DTNB: variants seen among roughly 807,000 people sequenced by gnomAD.
DTNB encodes DTN-B.
Under a neutral mutation model 90.7 loss-of-function variants are expected in DTNB, and 63 were observed. The observed-to-expected ratio is 0.69, with a 90% CI of 0.57 to 0.86. DTNB has a LOEUF of 0.86. DTNB is among the 40% of genes least tolerant of loss of function. The pLI is 0.00. For synonymous variants in DTNB, 277 were observed against 286.7 expected (o/e 0.97, Z 0.34); for missense variants, 744 against 807.1 (o/e 0.92, Z 0.95).
chr2:25,383,799 C>T (rs1254248129), intron 19 of DTNB, 37 bp downstream of exon 19: 2 of 1,613,894 alleles, frequency 1.2e-6, no homozygotes, highest in Non-Finnish European at 1.7e-6. Context: ...GCTCGGGCTC[C>T]CCATTTAAAC....
chr2:25,417,106 T>A (rs1291028135), intron 16 of DTNB, among the ~76,000 whole-genome samples: 1 of 152,106 alleles, frequency 6.6e-6, no homozygotes, highest in Non-Finnish European at 1.5e-5. Flanking sequence ...GAGCAGCACT[T>A]CTTACCTCAT....
intron 4 of DTNB, among the ~76,000 whole-genome samples, chr2:25,612,897 C>T (rs1044983130): frequency 1.3e-5 from 2 of 152,096 alleles, no homozygotes; most frequent in East Asian, 1.9e-4. Flanking sequence ...TGAATAGACC[C>T]ATATCCATTA....
rs753010434 is a variant in DTNB, at chr2:25,387,361, G to C, written c.1753C>G (p.Arg585Gly). Residue 585 changes from arginine to glycine, a missense_variant, in exon 18 of 21, where the codon CGC (arginine) becomes GGC (glycine). Transcript: ENST00000406818. The surrounding 1 kb of genome is among the most constrained non-coding windows in gnomAD (Gnocchi z 4.5). ...AFAQGTRRNL[R>G]NDLLVAADSI... ...TCAGCTGCCACCAGCAGGTCATTGC[G>C]GAGGTTTCTCCTCGTACCTGAGGAG... 1.2e-6 allele frequency: 2 copies of C among 1,612,416 alleles called. No homozygotes were observed. Among genetic ancestry groups the C allele is most frequent in the Non-Finnish European group, 1.7e-6 (2 of 1,179,280 alleles).
chr2:25,489,738 G>A (rs1416180334), intron 9 of DTNB, among the ~76,000 whole-genome samples: 1 of 151,914 alleles, frequency 6.6e-6, no homozygotes, highest in African/African-American at 2.4e-5. Flanking sequence ...GATTTTCTTA[G>A]CTCAAAAGCA....
chr2:25,670,568 A>G (rs992952746), intron 1 of DTNB, among the ~76,000 whole-genome samples: 2 of 152,226 alleles, frequency 1.3e-5, no homozygotes, highest in Non-Finnish European at 2.9e-5. Context: ...GCACACAGTC[A>G]CACAGAGTGT....
chr2:25,577,126 T>C (rs1262415346), intron 7 of DTNB, 122 bp from the exon 8 acceptor site: 7 of 1,141,974 alleles, frequency 6.1e-6, no homozygotes, highest in African/African-American at 1.6e-5. Context: ...AAAACTAATA[T>C]AAAAACAAAG....
intron 16 of DTNB, among the ~76,000 whole-genome samples, chr2:25,403,713 A>G (rs2044333261): frequency 6.6e-6 from 1 of 152,204 alleles, no homozygotes; most frequent in Non-Finnish European, 1.5e-5. Flanking sequence ...ACCCTTATTC[A>G]ACAATGACAC....
At chr2:25,555,322 A>C (rs1231271828) in intron 8 of DTNB, among the ~76,000 whole-genome samples, 1 of 151,504 alleles carries the variant, frequency 6.6e-6, no homozygotes, top group Non-Finnish European at 1.5e-5. Context: ...AAAAGGTCTG[A>C]AGCAAATCCA....
rs532427111 is a variant in DTNB at position 25,514,919 on chromosome 2, C to T, written c.1001+16554G>A. ...GCTGGTCTCCAACTCCTGACCTAAACTGATCCGCCTGCCTTGGCCTCCCAA... is the reference window on the plus strand; with the variant it reads ...GCTGGTCTCCAACTCCTGACCTAAATTGATCCGCCTGCCTTGGCCTCCCAA... On this transcript the variant is annotated intron_variant, in intron 9 of 20. Transcript: ENST00000406818. Among the ~76,000 whole-genome samples the T allele has an allele frequency of 2.0e-5, 3 of 152,112 alleles. No homozygotes were observed. In the East Asian group the frequency reaches 5.8e-4, roughly 29 times the overall value.
chr2:25,652,695 A>G, intron 1 of DTNB, 34 bp from the exon 2 acceptor site: 2 of 1,595,242 alleles, frequency 1.3e-6, no homozygotes, highest in Non-Finnish European at 1.7e-6. Context: ...AAACCACTGT[A>G]TAATTCGACA....
chr2:25,519,659 G>C (rs920285008), intron 9 of DTNB, among the ~76,000 whole-genome samples: 3 of 152,050 alleles, frequency 2.0e-5, no homozygotes, highest in Non-Finnish European at 2.9e-5. Flanking sequence ...GCATTTCCTT[G>C]GACTGTCACG....
intron 10 of DTNB, among the ~76,000 whole-genome samples, chr2:25,470,179 A>G (rs943730324): frequency 1.3e-5 from 2 of 152,192 alleles, no homozygotes; most frequent in African/African-American, 4.8e-5. Context: ...AAATATCAGT[A>G]GTTCTGTCAT....
chr2:25,641,753 C>T (rs1559356399), intron 2 of DTNB, among the ~76,000 whole-genome samples: 1 of 152,204 alleles, frequency 6.6e-6, no homozygotes, highest in Non-Finnish European at 1.5e-5. Flanking sequence ...GCACTGCAAA[C>T]ACCTTTGATT....
chr2:25,639,246 A>G, intron 2 of DTNB, 152 bp from the exon 3 acceptor site: 1 of 615,874 alleles, frequency 1.6e-6, no homozygotes. Flanking sequence ...ACAGAGGGAG[A>G]AAAGGATAGG....
intron 9 of DTNB, among the ~76,000 whole-genome samples, chr2:25,493,485 C>T (rs2150487877): frequency 6.6e-6 from 1 of 152,326 alleles, no homozygotes; most frequent in East Asian, 1.9e-4. Flanking sequence ...CAAACCACTT[C>T]AGTCTCCCAT....
intron 12 of DTNB, among the ~76,000 whole-genome samples, chr2:25,439,255 C>G (rs1018309725): frequency 6.6e-6 from 1 of 152,240 alleles, no homozygotes; most frequent in Middle Eastern, 3.4e-3. Context: ...AATCCCAGCA[C>G]TCTGGGAGAC....
chr2:25,424,363 G>A lies in DTNB; in HGVS notation c.1554+3172C>T, dbSNP rs186027591. Among the ~76,000 whole-genome samples the A allele has an allele frequency of 2.0e-3, 311 of 152,236 alleles. 3 individuals are homozygous for A. The highest frequency in any genetic ancestry group is 0.02 in the East Asian group (105 of 5,182). The stretch of plus-strand genomic sequence containing the variant: ...ACTCAGGGTTTGGGATCAGAGTTGC[G>A]GGCATTAGCTCGTTCTGCTTAGCCC... On this transcript the variant is annotated intron_variant, in intron 15 of 20. Transcript: ENST00000406818. This position sits in a 1 kb window ranked among gnomAD's most constrained non-coding sequence, Gnocchi z 4.1.
At chr2:25,479,330 A>G (rs1435708804) in intron 10 of DTNB, among the ~76,000 whole-genome samples, 3 of 152,222 alleles carry the variant, frequency 2.0e-5, no homozygotes, top group Non-Finnish European at 4.4e-5. Context: ...CACAATTCAC[A>G]TTCTGAACCT....
chr2:25,381,506 A>T (rs1196619873), intron 19 of DTNB, among the ~76,000 whole-genome samples: 1 of 152,108 alleles, frequency 6.6e-6, no homozygotes, highest in Non-Finnish European at 1.5e-5. Flanking sequence ...CTGCCTCCAA[A>T]GCAGCTGGGA....
Sources: gnomAD v4.1 joint callset for allele counts (sites outside exome capture counted in the v4.1 genomes callset) on GRCh38, gnomAD v4.1.1 for gene constraint, Gnocchi (gnomAD v3.1) non-coding constraint, MANE v1.5 for transcripts, NCBI Gene and HGNC (gene_info 2026-07-23, HGNC 2026-07-21) for gene names.